Variants in RFXANK observed in about 807,000 individuals in gnomAD.
RFXANK encodes the protein regulatory factor X associated ankyrin containing protein, also known as DNA-binding protein RFXANK.
In RFXANK, 19 loss-of-function variants were observed where a neutral mutation model predicts 34.5. The observed-to-expected ratio is 0.55, with a 90% confidence interval of 0.38 to 0.81. The LOEUF (loss-of-function observed/expected upper bound fraction) is 0.81. RFXANK is among the 30% of genes least tolerant of loss of function. The pLI is 0.00. For missense variants in RFXANK, 295 were observed against 343.5 expected, an observed-to-expected ratio of 0.86 and a Z score of 1.12; for synonymous variants, 154 against 149.8, an observed-to-expected ratio of 1.03 and a Z score of -0.20.
At chr19:19,196,278 G>A (rs1461178011) in intron 3 of RFXANK, among the ~76,000 whole-genome samples, 1 of 152,104 alleles carries the variant, frequency 6.6e-6, no homozygotes, top group Non-Finnish European at 1.5e-5. Context: ...GATACCGAAG[G>A]CAGTAGCATG....
rs780114936 is a variant in RFXANK, at chr19:19,197,507, C to T, written c.338-14C>T. On this transcript the variant is annotated splice_polypyrimidine_tract_variant and intron_variant, in intron 5 of 9. Coordinates refer to ENST00000303088, the MANE Select transcript of RFXANK (RefSeq NM_003721.4). ...GGGTGCAGCCTGGTGGTATTGCCCGCCTCCTCCTGCCAGGTGACAACCTCG... is the reference window on the plus strand; with the variant it reads ...GGGTGCAGCCTGGTGGTATTGCCCGTCTCCTCCTGCCAGGTGACAACCTCG... The T allele has an allele frequency of 1.9e-6, 3 of 1,612,624 alleles. No individual in the cohort carries two copies. In the African/African-American group the frequency reaches 4.0e-5, roughly 22 times the overall value.
chr19:19,198,374 G>C (rs529800760), intron 7 of RFXANK, 142 bp downstream of exon 7: 1 of 1,343,710 alleles, frequency 7.4e-7, no homozygotes, highest in East Asian at 2.5e-5. Flanking sequence ...TCACAGAGCA[G>C]AGCTCCCCAT....
At chr19:19,198,011 C>G in intron 6 of RFXANK, 96 bp from the exon 7 acceptor site, 1 of 1,448,600 alleles carries the variant, frequency 6.9e-7, no homozygotes, top group South Asian at 1.2e-5. Context: ...GACTCTATCT[C>G]CAAAAAAAAA....
intron 8 of RFXANK, 119 bp from the exon 9 acceptor site, chr19:19,199,035 C>T (rs776806886): frequency 2.4e-5 from 25 of 1,032,694 alleles, no homozygotes; most frequent in South Asian, 6.5e-5. Context: ...ACATGGGCAA[C>T]GGGCAGACCC....
chr19:19,199,048 G>A lies in RFXANK; in HGVS notation c.632-106G>A, dbSNP rs761495016. The A allele has an allele frequency of 5.8e-5, 66 of 1,141,008 alleles. No homozygotes were observed. In the Middle Eastern group the frequency reaches 1.7e-3, roughly 30 times the overall value. 70.7% of individuals were successfully genotyped at this position (1,141,008 alleles called of 1,614,324 possible). ...CCACATGGGCAACGGGCAGACCCAC[G>A]GCTGCATTGTGGGGAATGAGGGGTG... On this transcript the variant is annotated intron_variant, in intron 8 of 9. Coordinates refer to ENST00000303088, the MANE Select transcript of RFXANK (RefSeq NM_003721.4).
At chr19:19,194,558 G>A (rs1386345293) in intron 3 of RFXANK, among the ~76,000 whole-genome samples, 1 of 151,272 alleles carries the variant, frequency 6.6e-6, no homozygotes, top group Non-Finnish European at 1.5e-5. Flanking sequence ...TTGATACAGG[G>A]TCTCGCTCTG....
Position 19,198,686 on chromosome 19 carries a change from G to A in RFXANK, c.594G>A (p.Val198=), listed in dbSNP as rs780521835. The part of the protein sequence containing the change: ...WNGGTPLLYA[V]RGNHVKCVEA... ...GAGGGACGCCACTGCTGTACGCTGT[G>A]CGCGGGAACCACGTGAAATGCGTTG... Residue 198 remains valine (V), a synonymous_variant, in exon 8 of 10, where the codon GTG becomes GTA. Coordinates refer to ENST00000303088, the MANE Select transcript of RFXANK (RefSeq NM_003721.4). The A allele has an allele frequency of 1.9e-6, 3 of 1,613,920 alleles. No homozygotes were observed. Among genetic ancestry groups the A allele is most frequent in the Admixed American group, 3.3e-5 (2 of 60,034 alleles).
intron 8 of RFXANK, chr19:19,198,939 C>G (rs1231862783): frequency 1.3e-6 from 1 of 743,772 alleles, no homozygotes; most frequent in Non-Finnish European, 2.4e-6. Context: ...AGGCTAAGCA[C>G]CTCCATCCTC....
intron 3 of RFXANK, among the ~76,000 whole-genome samples, chr19:19,194,776 C>G (rs1308634541): frequency 6.6e-6 from 1 of 151,714 alleles, no homozygotes; most frequent in African/African-American, 2.4e-5. Context: ...GCTGGGATTA[C>G]AGGTGTGAGC....
chr19:19,196,892 G>T, intron 3 of RFXANK, 71 bp from the exon 4 acceptor site: 2 of 1,378,158 alleles, frequency 1.5e-6, no homozygotes, highest in South Asian at 1.2e-5. Context: ...AAAAAAAACA[G>T]ATGGGCTTCT....
chr19:19,197,597 G>C lies in RFXANK; in HGVS notation c.414G>C (p.Glu138Asp), dbSNP rs754170563. ...GGGCCTCCGCCTTTGGAGAGATTGA[G>C]ACCGTTCGCTTCCTGCTGGAGTGGG... ...LIWASAFGEI[E>D]TVRFLLEWGA... is the part of the protein sequence containing the mutation. Residue 138 changes from glutamate to aspartate, a missense_variant, in exon 6 of 10, where the codon GAG (glutamate) becomes GAC (aspartate). Glu to Asp is a conservative substitution (Grantham distance 45, BLOSUM62 2). Transcript: ENST00000303088. 2.5e-6 allele frequency: 4 copies of C among 1,613,828 alleles called. No individual in the cohort carries two copies. In the East Asian group the frequency reaches 8.9e-5, roughly 36 times the overall value.
At chr19:19,201,253 T>C (rs892151651) in intron 9 of RFXANK, among the ~76,000 whole-genome samples, 6 of 152,012 alleles carry the variant, frequency 3.9e-5, no homozygotes, top group African/African-American at 1.2e-4. Context: ...TTTTTAAATT[T>C]TTTTGGTAGA....
chr19:19,197,969 G>C (rs945592013), intron 6 of RFXANK, 138 bp from the exon 7 acceptor site: 1 of 1,176,224 alleles, frequency 8.5e-7, no homozygotes, highest in East Asian at 2.4e-5. Flanking sequence ...CCGAGATTGC[G>C]CCACTGCACT....
chr19:19,201,593 C>T (rs1233986705), intron 9 of RFXANK, 56 bp from the exon 10 acceptor site: 4 of 1,612,760 alleles, frequency 2.5e-6, no homozygotes, highest in Non-Finnish European at 2.5e-6. Context: ...TGGCCTGTGC[C>T]TCCACCCCAC....
At position 19,198,204 on chromosome 19, in the gene RFXANK, G is replaced by A. The variant is rs562901844; in HGVS notation, c.536G>A (p.Arg179His). Reference sequence around the variant, plus strand: ...GACATTGTGGGGCTGCTGCTGGAGCGTGACGTGGACATCAACATCTATGAT... The same window carrying A: ...GACATTGTGGGGCTGCTGCTGGAGCATGACGTGGACATCAACATCTATGAT... ...YTDIVGLLLERDVDINIYDWN... is the reference protein window; with the variant it reads ...YTDIVGLLLEHDVDINIYDWN... The change falls in exon 7 of 10, where the codon CGT becomes CAT. Residue 179 changes from arginine to histidine, a missense_variant. Arg to His is a conservative substitution (Grantham distance 29, BLOSUM62 0). Transcript: ENST00000303088. 2.2e-5 allele frequency: 35 copies of A among 1,614,188 alleles called. No homozygotes were observed. The East Asian group carries it at 3.1e-4, about 14-fold the overall frequency.
At chr19:19,197,403 A>G in intron 5 of RFXANK, 118 bp from the exon 6 acceptor site, 1 of 1,224,456 alleles carries the variant, frequency 8.2e-7, no homozygotes, top group Non-Finnish European at 1.2e-6. Flanking sequence ...GTCCATCAAC[A>G]TACGCTCCCC....
chr19:19,197,129 A>C (rs991874087), intron 4 of RFXANK, 57 bp from the exon 5 acceptor site: 98 of 1,612,392 alleles, frequency 6.1e-5, no homozygotes, highest in Non-Finnish European at 7.3e-5. Context: ...CAGAGGGTAA[A>C]CTGAGGCACA....
At chr19:19,192,927 G>C (rs2060514237) in intron 1 of RFXANK, 33 bp from the exon 2 acceptor site, 2 of 152,434 alleles carry the variant, frequency 1.3e-5, no homozygotes, top group Non-Finnish European at 2.9e-5. Flanking sequence ...TGGGGGTAGC[G>C]GTCGAGTATC....
chr19:19,193,217 A>C (rs974324975), intron 2 of RFXANK, 117 bp downstream of exon 2: 2 of 152,108 alleles, frequency 1.3e-5, no homozygotes, highest in Non-Finnish European at 2.9e-5. Flanking sequence ...GCGAATATTT[A>C]TTGAGCTCCA....
Sources: gnomAD v4.1 joint callset for allele counts (sites outside exome capture counted in the v4.1 genomes callset) on GRCh38, gnomAD v4.1.1 for gene constraint, MANE v1.5 for transcripts, NCBI Gene and HGNC (gene_info 2026-07-23, HGNC 2026-07-21) for gene names.